Variants in TMEM132D observed in about 807,000 individuals in gnomAD.
TMEM132D encodes mature OL transmembrane protein.
In TMEM132D, 21 loss-of-function variants were observed where a neutral mutation model predicts 62.3. That is an observed-to-expected ratio of 0.34 (90% CI 0.24 to 0.49). The LOEUF (loss-of-function observed/expected upper bound fraction) is 0.49, where lower values mean the gene tolerates loss of function less well. Among genes scored for constraint, TMEM132D ranks in the 20% least tolerant of loss-of-function variants. The pLI, the probability that TMEM132D is intolerant of heterozygous loss-of-function variation, is 0.99. For synonymous variants in TMEM132D, 621 were observed against 575.6 expected (o/e 1.08, Z -1.13); for missense variants, 1,346 against 1,402.8 (o/e 0.96, Z 0.65).
intron 1 of TMEM132D, among the ~76,000 whole-genome samples, chr12:129,899,779 CTT>C (rs974169435): frequency 3.3e-5 from 5 of 152,120 alleles, no homozygotes; most frequent in Non-Finnish European, 5.9e-5. Context: ...TGATTTAACT[CTT>C]TAATTCATAC....
At chr12:129,613,807 T>G (rs889965333) in intron 2 of TMEM132D, among the ~76,000 whole-genome samples, 2 of 151,030 alleles carry the variant, frequency 1.3e-5, no homozygotes, top group Non-Finnish European at 2.9e-5. Context: ...GAGGACTGTC[T>G]GCAGAACCCA....
intron 3 of TMEM132D, among the ~76,000 whole-genome samples, chr12:129,465,680 G>A (rs1435073199): frequency 6.6e-6 from 1 of 152,136 alleles, no homozygotes; most frequent in Non-Finnish European, 1.5e-5. Context: ...CAAATCATGA[G>A]TGAACTCCTT....
chr12:129,839,162 C>T (rs1490835377), intron 1 of TMEM132D, among the ~76,000 whole-genome samples: 4 of 57,424 alleles, frequency 7.0e-5, no homozygotes, highest in Admixed American at 2.9e-4. Context: ...GATGGAATCT[C>T]GCACTGTCGC....
chr12:129,790,912 A>G (rs192963140), intron 1 of TMEM132D, among the ~76,000 whole-genome samples: 63 of 152,378 alleles, frequency 4.1e-4, no homozygotes, highest in Non-Finnish European at 7.8e-4. Flanking sequence ...TAACAACTCT[A>G]CAAATATTCA....
chr12:129,830,096 G>A (rs73160255), intron 1 of TMEM132D, among the ~76,000 whole-genome samples: 1 of 152,110 alleles, frequency 6.6e-6, no homozygotes. Context: ...ACCCACACCT[G>A]CATCCTCCAA....
chr12:129,283,217 T>G (rs78997653), intron 4 of TMEM132D, among the ~76,000 whole-genome samples: 32,981 of 152,160 alleles, frequency 0.22, 3,649 homozygotes, highest in East Asian at 0.25. Context: ...TCAGCAGTGA[T>G]GACAACAGAA....
intron 4 of TMEM132D, among the ~76,000 whole-genome samples, chr12:129,267,000 G>A (rs1321496320): frequency 1.3e-5 from 2 of 152,094 alleles, no homozygotes; most frequent in African/African-American, 4.8e-5. Context: ...TCCTCCAGCT[G>A]CTTCTGATCA....
intron 1 of TMEM132D, among the ~76,000 whole-genome samples, chr12:129,743,224 A>C (rs1281527086): frequency 6.6e-6 from 1 of 152,192 alleles, no homozygotes; most frequent in Non-Finnish European, 1.5e-5. Flanking sequence ...CAAATGGAAT[A>C]ATACTTCCCT....
chr12:129,751,073 C>T (rs1022503666), intron 1 of TMEM132D, among the ~76,000 whole-genome samples: 2 of 152,146 alleles, frequency 1.3e-5, no homozygotes, highest in African/African-American at 4.8e-5. Flanking sequence ...GGACATAATT[C>T]CTGCTGCCCT....
At chr12:129,474,572 T>C (rs976181577) in intron 3 of TMEM132D, among the ~76,000 whole-genome samples, 7 of 152,196 alleles carry the variant, frequency 4.6e-5, no homozygotes, top group Admixed American at 3.9e-4. Flanking sequence ...ACTGACTGAC[T>C]GTCAGAAGTT....
chr12:129,898,913 C>G (rs1017473122), intron 1 of TMEM132D, among the ~76,000 whole-genome samples: 1 of 152,136 alleles, frequency 6.6e-6, no homozygotes, highest in African/African-American at 2.4e-5. Flanking sequence ...ACGAAACTGC[C>G]CAGGTCTGAG....
chr12:129,602,068 T>A (rs550005542), intron 2 of TMEM132D, among the ~76,000 whole-genome samples: 1 of 152,220 alleles, frequency 6.6e-6, no homozygotes, highest in Non-Finnish European at 1.5e-5. Flanking sequence ...GTCTTTCTCA[T>A]TGGAGTCCAT....
At chr12:129,187,426 G>A (rs776006517) in intron 5 of TMEM132D, among the ~76,000 whole-genome samples, 1 of 152,208 alleles carries the variant, frequency 6.6e-6, no homozygotes, top group South Asian at 2.1e-4. Context: ...AGGTGAGTCT[G>A]GGAGGACTTG....
intron 4 of TMEM132D, among the ~76,000 whole-genome samples, chr12:129,281,233 C>T (rs202120611): frequency 1.3e-5 from 2 of 152,026 alleles, no homozygotes; most frequent in East Asian, 3.9e-4. Context: ...CCAACGGATG[C>T]CCCATACTGT....
At chr12:129,872,091 C>T (rs151269488) in intron 1 of TMEM132D, among the ~76,000 whole-genome samples, 1 of 152,336 alleles carries the variant, frequency 6.6e-6, no homozygotes, top group Non-Finnish European at 1.5e-5. Context: ...CCTGCCAAGT[C>T]CCTTCCACCA....
At chr12:129,761,367 C>A (rs566164781) in intron 1 of TMEM132D, among the ~76,000 whole-genome samples, 1 of 152,140 alleles carries the variant, frequency 6.6e-6, no homozygotes, top group Non-Finnish European at 1.5e-5. Context: ...CCTGGCTGCC[C>A]CCAAAGGGCC....
At chr12:129,210,493 CCTT>C (rs1879006303) in intron 4 of TMEM132D, among the ~76,000 whole-genome samples, 2 of 152,118 alleles carry the variant, frequency 1.3e-5, no homozygotes, top group Admixed American at 6.5e-5. Context: ...TGCTGTAAAC[CCTT>C]CTTTCATCGA....
intron 3 of TMEM132D, among the ~76,000 whole-genome samples, chr12:129,528,645 C>G (rs1294324800): frequency 6.6e-6 from 1 of 152,186 alleles, no homozygotes; most frequent in African/African-American, 2.4e-5. Flanking sequence ...ATGCACCTTA[C>G]TTTTTGAACA....
At chr12:129,604,191 G>C (rs1878555763) in intron 2 of TMEM132D, among the ~76,000 whole-genome samples, 2 of 152,022 alleles carry the variant, frequency 1.3e-5, no homozygotes, top group Admixed American at 6.6e-5. Flanking sequence ...GGGGGAAGGA[G>C]AGCACTAGGA....
Sources: gnomAD v4.1 joint callset for allele counts (sites outside exome capture counted in the v4.1 genomes callset) on GRCh38, gnomAD v4.1.1 for gene constraint, MANE v1.5 for transcripts, NCBI Gene and HGNC (gene_info 2026-07-23, HGNC 2026-07-21) for gene names.